Variants in SYN3 observed in about 807,000 individuals in gnomAD.
SYN3 encodes synapsin III.
A neutral mutation model predicts 65.8 loss-of-function variants in SYN3; 35 were observed. The ratio of observed to expected loss-of-function variants is 0.53; its 90% CI spans 0.41 to 0.70. SYN3 has a LOEUF of 0.70. Among genes scored for constraint, SYN3 ranks in the 30% least tolerant of loss-of-function variants. The pLI, the probability that SYN3 is intolerant of heterozygous loss-of-function variation, is 0.00. For missense variants in SYN3, 680 were observed against 749.0 expected, an observed-to-expected ratio of 0.91 and a Z score of 1.08; for synonymous variants, 270 against 292.9, an observed-to-expected ratio of 0.92 and a Z score of 0.80.
rs1283645622 is a variant in SYN3 at position 32,658,933 on chromosome 22, C to T, written c.712-62197G>A. On this transcript the variant is annotated intron_variant, in intron 6 of 13. Coordinates refer to ENST00000358763, the MANE Select transcript of SYN3 (RefSeq NM_003490.4). ...CATTGCGAGCATACCACATGACAGG[C>T]GCTATTCGGACTTCACATACTGAAC... Among the ~76,000 whole-genome samples the T allele has an allele frequency of 3.9e-5, 6 of 152,270 alleles. No homozygotes were observed. The East Asian group carries it at 9.6e-4, about 24-fold the overall frequency.
intron 6 of SYN3, among the ~76,000 whole-genome samples, chr22:32,707,345 G>C (rs2060893631): frequency 6.6e-6 from 1 of 152,172 alleles, no homozygotes. Flanking sequence ...AGGCCATATG[G>C]AGGAAACGTC....
intron 6 of SYN3, among the ~76,000 whole-genome samples, chr22:32,678,217 A>C (rs2060473373): frequency 6.6e-6 from 1 of 152,114 alleles, no homozygotes; most frequent in South Asian, 2.1e-4. Context: ...AATGAATTTG[A>C]CTCTAGAATG....
intron 4 of SYN3, among the ~76,000 whole-genome samples, chr22:32,907,621 A>AT (rs1432351008): frequency 6.6e-6 from 1 of 152,192 alleles, no homozygotes; most frequent in Non-Finnish European, 1.5e-5. Flanking sequence ...TTAGTGTAAT[A>AT]TTTTTTAAAA....
At chr22:32,805,215 G>C (rs2145949365) in intron 6 of SYN3, among the ~76,000 whole-genome samples, 1 of 152,286 alleles carries the variant, frequency 6.6e-6, no homozygotes, top group East Asian at 1.9e-4. Context: ...GAGCCTGTTG[G>C]GAATTTGAGC....
intron 6 of SYN3, among the ~76,000 whole-genome samples, chr22:32,604,228 T>C (rs931155615): frequency 1.3e-5 from 2 of 152,218 alleles, no homozygotes; most frequent in African/African-American, 4.8e-5. Context: ...GAGAAGAATC[T>C]GGAGGAAGAA....
rs559975424 is a variant in SYN3, at chr22:33,027,125, C to T, written c.-162-20301G>A. Among the ~76,000 whole-genome samples, 3 of 152,276 alleles carry T rather than the reference C, an allele frequency of 2.0e-5. No individual in the cohort carries two copies. In the South Asian group the frequency reaches 6.2e-4, roughly 32 times the overall value. On this transcript the variant is annotated intron_variant, in intron 1 of 13. Coordinates refer to ENST00000358763, the MANE Select transcript of SYN3 (RefSeq NM_003490.4). Reference sequence around the variant, plus strand: ...ATGTGATTTCTTACTCAATATAGAACTTCCCTCTATAGTGTTTCCAATGTC... The same window carrying T: ...ATGTGATTTCTTACTCAATATAGAATTTCCCTCTATAGTGTTTCCAATGTC...
At chr22:32,971,031 G>A (rs1171214461) in intron 3 of SYN3, among the ~76,000 whole-genome samples, 1 of 152,182 alleles carries the variant, frequency 6.6e-6, no homozygotes. Flanking sequence ...CTCAGCAACA[G>A]GCATACTGTG....
intron 6 of SYN3, among the ~76,000 whole-genome samples, chr22:32,796,265 CT>C: frequency 1.3e-5 from 2 of 152,324 alleles, no homozygotes; most frequent in South Asian, 4.1e-4. Flanking sequence ...TTTGACTCTG[CT>C]TTCCATTTCC....
At chr22:32,599,514 G>T (rs1003209291) in intron 6 of SYN3, among the ~76,000 whole-genome samples, 21 of 151,924 alleles carry the variant, frequency 1.4e-4, no homozygotes, top group African/African-American at 5.1e-4. Context: ...GTACAGATGG[G>T]GTTTCACTGT....
Position 32,513,411 on chromosome 22 carries a change from G to T in SYN3, c.*281C>A. On this transcript the variant is annotated 3_prime_UTR_variant, in exon 14 of 14. Coordinates refer to ENST00000358763, the MANE Select transcript of SYN3 (RefSeq NM_003490.4). ...ACTTGGTTATCTGGCAGGTAAGCAG[G>T]CACGTGGGTAGGCAGAGGGTGTGAT... 1 of 309,498 alleles carries T rather than the reference G, an allele frequency of 3.2e-6. No homozygotes were observed. The allele number at this position is 309,498 out of a possible 1,614,324, so 19.2% of individuals were successfully genotyped here.
At chr22:33,014,074 A>T (rs1019607215) in intron 1 of SYN3, among the ~76,000 whole-genome samples, 19 of 30,984 alleles carry the variant, frequency 6.1e-4, no homozygotes, top group African/African-American at 5.3e-3. Flanking sequence ...CCAGCTAGTT[A>T]AAAAAAAAAA....
chr22:32,839,931 G>A (rs1039575783), intron 6 of SYN3, among the ~76,000 whole-genome samples: 2 of 151,794 alleles, frequency 1.3e-5, no homozygotes, highest in Non-Finnish European at 2.9e-5. Flanking sequence ...TTCCCAGACC[G>A]CTCAAGCAGA....
At chr22:32,622,553 C>T (rs898601534) in intron 6 of SYN3, among the ~76,000 whole-genome samples, 3 of 151,866 alleles carry the variant, frequency 2.0e-5, no homozygotes, top group Non-Finnish European at 4.4e-5. Flanking sequence ...GGAGGCCCAG[C>T]GCTGGCCTCA....
chr22:32,629,230 A>AT (rs1295911487), intron 6 of SYN3, among the ~76,000 whole-genome samples: 1 of 152,174 alleles, frequency 6.6e-6, no homozygotes, highest in East Asian at 1.9e-4. Flanking sequence ...AGGCTTCCCC[A>AT]TCCTCTAGGA....
At chr22:32,558,072 T>C (rs78201366) in intron 7 of SYN3, among the ~76,000 whole-genome samples, 13,042 of 152,302 alleles carry the variant, frequency 0.086, 702 homozygotes, top group Non-Finnish European at 0.11. Context: ...CACTAGACTA[T>C]GACTTCTCTA....
chr22:32,807,407 T>A (rs1302823279), intron 6 of SYN3, among the ~76,000 whole-genome samples: 6 of 120,458 alleles, frequency 5.0e-5, no homozygotes, highest in African/African-American at 1.9e-4. Context: ...ATATATATAT[T>A]ATATTTACAT....
chr22:32,592,760 C>T (rs947684828), intron 7 of SYN3, among the ~76,000 whole-genome samples: 5 of 152,160 alleles, frequency 3.3e-5, no homozygotes, highest in African/African-American at 4.8e-5. Flanking sequence ...AGCCTCATAC[C>T]CTCTGCACAG....
At chr22:32,816,292 G>A (rs1601432321) in intron 6 of SYN3, among the ~76,000 whole-genome samples, 1 of 152,188 alleles carries the variant, frequency 6.6e-6, no homozygotes, top group African/African-American at 2.4e-5. Context: ...CCTGGTAATT[G>A]ATGGGCATTC....
intron 1 of SYN3, among the ~76,000 whole-genome samples, chr22:33,040,223 C>A (rs774512199): frequency 6.6e-6 from 1 of 151,974 alleles, no homozygotes; most frequent in Non-Finnish European, 1.5e-5. Flanking sequence ...GTCTCAATCT[C>A]CTGACCCCGT....
Sources: allele counts gnomAD v4.1 joint callset (sites outside exome capture counted in the v4.1 genomes callset), GRCh38; gene constraint gnomAD v4.1.1; transcripts MANE v1.5; gene names NCBI Gene and HGNC (gene_info 2026-07-23, HGNC 2026-07-21).